The following RHBDF2 variants were observed in gnomAD, a reference collection of about 807,000 sequenced individuals.
RHBDF2 encodes rhomboid 5 homolog 2.
A neutral mutation model predicts 95.2 loss-of-function variants in RHBDF2; 38 were observed. The observed-to-expected ratio is 0.40, with a 90% confidence interval of 0.31 to 0.52. RHBDF2 has a LOEUF of 0.52. Among genes scored for constraint, RHBDF2 ranks in the 20% least tolerant of loss-of-function variants. The probability of loss-of-function intolerance (pLI) is 0.56; values close to 1 mark genes in which losing one functional copy is unlikely to be tolerated. For synonymous variants in RHBDF2, 442 were observed against 462.0 expected, an observed-to-expected ratio of 0.96 and a Z score of 0.55; for missense variants, 863 against 1,137.7, an observed-to-expected ratio of 0.76 and a Z score of 3.47.
At chr17:76,500,826 G>C (rs1369842273) in intron 1 of RHBDF2, 2 of 152,332 alleles carry the variant, frequency 1.3e-5, no homozygotes, top group Admixed American at 1.3e-4. Context: ...TCCAATTTCT[G>C]AGCTCCGGTC....
In RHBDF2 at chr17:76,479,249, C is replaced by T. The variant is rs780404621; in HGVS notation, c.301G>A (p.Gly101Ser). The T allele has an allele frequency of 1.6e-5, 25 of 1,605,752 alleles. No individual in the cohort carries two copies. The highest frequency in any genetic ancestry group is 1.0e-4 in the Admixed American group (6 of 59,640). ...KGAAQWFGVS[G>S]DWEGQRQQWQ... is the part of the protein sequence containing the mutation. Reference sequence around the variant, plus strand: ...TGCTGCCGCTGCCCCTCCCAGTCGCCGCTGACTCCAAACCACTGGGCTGCG... The same window carrying T: ...TGCTGCCGCTGCCCCTCCCAGTCGCTGCTGACTCCAAACCACTGGGCTGCG... Residue 101 changes from glycine to serine, a missense_variant, in exon 5 of 19, where the codon GGC (glycine) becomes AGC (serine). Gly to Ser is a moderately conservative substitution (Grantham distance 56). Coordinates refer to ENST00000675367, the MANE Select transcript of RHBDF2 (RefSeq NM_001005498.4).
chr17:76,477,939 C>T (rs537392229), intron 6 of RHBDF2, among the ~76,000 whole-genome samples, 154 bp from the exon 7 acceptor site: 6 of 152,346 alleles, frequency 3.9e-5, no homozygotes, highest in African/African-American at 1.4e-4. Flanking sequence ...GCAAGCTGAA[C>T]GGGCAAGAGG....
chr17:76,477,674 A>C lies in RHBDF2; in HGVS notation c.784T>G (p.Ser262Ala), dbSNP rs745941692. ...ATGCTTGCCTTACTAAAAAAGGAGG[A>C]GTCAAACGTGTCTGCCCCATCGACC... ...DVVDGADTFD[S>A]SFFSKEEMSS... Residue 262 changes from serine (S) to alanine (A), a missense_variant, in exon 7 of 19, where the codon TCC (serine) becomes GCC (alanine). By Grantham distance (99) the Ser-to-Ala change is moderately conservative. Around this residue, in one of 2 missense-constraint regions of RHBDF2, gnomAD observed 611 missense variants for 725.5 expected, o/e 0.84. Coordinates refer to ENST00000675367, the MANE Select transcript of RHBDF2 (RefSeq NM_001005498.4). 25 of 1,613,962 alleles carry C rather than the reference A, an allele frequency of 1.5e-5. No homozygotes were observed. The highest frequency in any genetic ancestry group is 2.0e-5 in the Non-Finnish European group (24 of 1,180,008).
Position 76,477,803 on chromosome 17 carries a change from C to T in RHBDF2, c.673-18G>A. 1 of 1,606,078 alleles carries T rather than the reference C, an allele frequency of 6.2e-7. No homozygotes were observed. The highest frequency in any genetic ancestry group is 1.1e-5 in the South Asian group (1 of 91,004). ...GAGCGCCCCTGTGCACGGGCAGAGG[C>T]ACAGCCATCAGGACCACAGCCTGGC... is the stretch of plus-strand genomic sequence containing the variant. On this transcript the variant is annotated intron_variant, in intron 6 of 18. Coordinates refer to ENST00000675367, the MANE Select transcript of RHBDF2 (RefSeq NM_001005498.4).
chr17:76,481,899 C>T (rs11871977), intron 2 of RHBDF2: 36,682 of 186,006 alleles, frequency 0.2, 3,989 homozygotes, highest in African/African-American at 0.25. Context: ...TATAGTAAGC[C>T]GAGATCGCGC....
intron 2 of RHBDF2, among the ~76,000 whole-genome samples, chr17:76,486,159 A>C (rs534781025): frequency 6.6e-6 from 1 of 152,128 alleles, no homozygotes; most frequent in South Asian, 2.1e-4. Context: ...CCCAGGCTAG[A>C]GCGCAGTGGT....
chr17:76,489,385 A>G (rs1021625809), intron 1 of RHBDF2, among the ~76,000 whole-genome samples: 143 of 141,486 alleles, frequency 1.0e-3, no homozygotes, highest in African/African-American at 3.6e-3. Flanking sequence ...GTGCAGTGGC[A>G]TGATCTCAGC....
intron 1 of RHBDF2, among the ~76,000 whole-genome samples, chr17:76,496,196 C>T (rs1450994267): frequency 2.0e-5 from 3 of 152,202 alleles, no homozygotes; most frequent in African/African-American, 7.2e-5. Context: ...ATGTACAGTG[C>T]CTGGCACACA....
At chr17:76,487,414 A>T (rs925264546) in intron 2 of RHBDF2, 1 of 152,018 alleles carries the variant, frequency 6.6e-6, no homozygotes, top group Non-Finnish European at 1.5e-5. Flanking sequence ...ACGCCCAGCT[A>T]AATTTTTTGT....
intron 18 of RHBDF2, 81 bp from the exon 19 acceptor site, chr17:76,472,133 G>A (rs543779283): frequency 4.4e-6 from 6 of 1,354,498 alleles, no homozygotes; most frequent in African/African-American, 4.4e-5. Context: ...TCATCCCATC[G>A]ATCAGCTCCT....
At chr17:76,498,789 A>AGTGTGTGTTT (rs2074496021) in intron 1 of RHBDF2, among the ~76,000 whole-genome samples, 1 of 143,662 alleles carries the variant, frequency 7.0e-6, no homozygotes, top group Non-Finnish European at 1.5e-5. Context: ...AGAGAAAGAG[A>AGTGTGTGTTT]GTGTGTGTGT....
chr17:76,498,137 G>A (rs935368939), intron 1 of RHBDF2, among the ~76,000 whole-genome samples: 1 of 152,130 alleles, frequency 6.6e-6, no homozygotes, highest in Non-Finnish European at 1.5e-5. Context: ...ACGACGTTCC[G>A]GGCAGGCTTG....
At chr17:76,481,615 G>T (rs952772675) in intron 2 of RHBDF2, 70 bp from the exon 3 acceptor site, 2 of 1,396,380 alleles carry the variant, frequency 1.4e-6, no homozygotes, top group Admixed American at 2.2e-5. Flanking sequence ...CTGACGCCAG[G>T]GCACGCAGCC....
Position 76,483,623 on chromosome 17 carries a change from A to C in RHBDF2, c.-21-2078T>G, listed in dbSNP as rs933925829. On this transcript the variant is annotated intron_variant, in intron 2 of 18. Coordinates refer to ENST00000675367, the MANE Select transcript of RHBDF2 (RefSeq NM_001005498.4). ...CTTTTTTGATGAATGCAAAGATTTC[A>C]TAAGTGGAATGCACCAAGATTTACT... Among the ~76,000 whole-genome samples, 4 of 152,320 alleles carry C rather than the reference A, an allele frequency of 2.6e-5. No homozygotes were observed. The South Asian group carries it at 8.3e-4, about 32-fold the overall frequency.
intron 7 of RHBDF2, 102 bp downstream of exon 7, chr17:76,477,555 T>G: frequency 7.5e-7 from 1 of 1,338,570 alleles, no homozygotes; most frequent in Non-Finnish European, 1.1e-6. Context: ...AGTGGGCCTC[T>G]GGGTCCCTCA....
chr17:76,491,432 T>G (rs1425525956), intron 1 of RHBDF2, among the ~76,000 whole-genome samples: 1 of 147,002 alleles, frequency 6.8e-6, no homozygotes, highest in Non-Finnish European at 1.5e-5. Context: ...GGCAATCAGT[T>G]GGGGGGGGGT....
intron 2 of RHBDF2, among the ~76,000 whole-genome samples, chr17:76,485,716 C>T (rs1376416364): frequency 1.3e-5 from 2 of 152,168 alleles, no homozygotes; most frequent in African/African-American, 2.4e-5. Context: ...ACAGCACAAG[C>T]GCCCGTCAGC....
Position 76,481,456 on chromosome 17 carries a change from C to G in RHBDF2, c.69G>C (p.Lys23Asn), listed in dbSNP as rs1210312189. The part of the protein sequence containing the change: ...SVSSSRLQSR[K>N]PPNLSITIPP... The stretch of plus-strand genomic sequence containing the variant: ...GGATGGTGATGGAGAGGTTGGGTGG[C>G]TTCCGGCTCTGCAGGCGGCTGCTGG... Residue 23 changes from lysine to asparagine, a missense_variant, in exon 3 of 19, where the codon AAG (lysine) becomes AAC (asparagine). Physicochemically the swap from Lys to Asn is moderately conservative, Grantham distance 94 (BLOSUM62 0). Around this residue, in one of 2 missense-constraint regions of RHBDF2, gnomAD observed 611 missense variants for 725.5 expected, o/e 0.84. Coordinates refer to ENST00000675367, the MANE Select transcript of RHBDF2 (RefSeq NM_001005498.4). 1 of 1,612,738 alleles carries G rather than the reference C, an allele frequency of 6.2e-7. No homozygotes were observed. The highest frequency in any genetic ancestry group is 1.7e-5 in the Admixed American group (1 of 60,028).
intron 1 of RHBDF2, among the ~76,000 whole-genome samples, chr17:76,496,938 A>C (rs2074438981): frequency 6.6e-6 from 1 of 151,914 alleles, no homozygotes; most frequent in East Asian, 1.9e-4. Context: ...ATTTTTTTGT[A>C]TTTTTAGTAG....
Sources: gnomAD v4.1 joint callset for allele counts (sites outside exome capture counted in the v4.1 genomes callset) on GRCh38, gnomAD v4.1.1 for gene constraint, gnomAD v4.1.1 regional missense constraint, MANE v1.5 for transcripts, NCBI Gene and HGNC (gene_info 2026-07-23, HGNC 2026-07-21) for gene names.